Variants in LRRC8D observed in about 807,000 individuals in gnomAD.
LRRC8D encodes leucine rich repeat containing 8 VRAC subunit D.
Under a neutral mutation model 55.8 loss-of-function variants are expected in LRRC8D, and 20 were observed. The observed-to-expected ratio is 0.36, with a 90% CI of 0.25 to 0.52. The LOEUF (loss-of-function observed/expected upper bound fraction) is 0.52. Ranked by LOEUF, LRRC8D falls within the 20% of genes least tolerant of loss-of-function variation. The pLI is 0.93. For synonymous variants in LRRC8D, 352 were observed against 377.0 expected (o/e 0.93, Z 0.77); for missense variants, 651 against 1,030.8 (o/e 0.63, Z 5.05).
chr1:89,858,214 A>G (rs980467905), intron 2 of LRRC8D, among the ~76,000 whole-genome samples: 5 of 152,230 alleles, frequency 3.3e-5, no homozygotes, highest in Non-Finnish European at 7.3e-5. Context: ...CTGAGCGACA[A>G]GAGTGAAACT....
chr1:89,879,851 A>C (rs1662236828), intron 2 of LRRC8D, among the ~76,000 whole-genome samples: 1 of 152,160 alleles, frequency 6.6e-6, no homozygotes, highest in South Asian at 2.1e-4. Flanking sequence ...CTGCTTTTGC[A>C]TTCTAATTGG....
intron 2 of LRRC8D, among the ~76,000 whole-genome samples, chr1:89,906,680 C>T (rs1663001946): frequency 6.6e-6 from 1 of 152,264 alleles, no homozygotes; most frequent in African/African-American, 2.4e-5. Flanking sequence ...TGTGTTGTGC[C>T]AAGTTGTGTT....
intron 2 of LRRC8D, among the ~76,000 whole-genome samples, chr1:89,919,946 G>A (rs909787590): frequency 3.9e-5 from 6 of 152,138 alleles, no homozygotes; most frequent in Non-Finnish European, 8.8e-5. Flanking sequence ...AATTCTGCTG[G>A]CCTGAGTTCA....
intron 2 of LRRC8D, among the ~76,000 whole-genome samples, chr1:89,858,156 G>A (rs1185828728): frequency 6.6e-6 from 1 of 152,244 alleles, no homozygotes; most frequent in Non-Finnish European, 1.5e-5. Flanking sequence ...TTGGACCTGG[G>A]AGGCAGAGAT....
intron 2 of LRRC8D, among the ~76,000 whole-genome samples, chr1:89,853,457 C>G (rs1661473463): frequency 1.3e-5 from 2 of 152,130 alleles, no homozygotes; most frequent in South Asian, 4.2e-4. Flanking sequence ...CAGGGATGGC[C>G]AAAGGATCAA....
chr1:89,875,649 T>C (rs1442829831), intron 2 of LRRC8D, among the ~76,000 whole-genome samples: 1 of 152,218 alleles, frequency 6.6e-6, no homozygotes, highest in Non-Finnish European at 1.5e-5. Context: ...TTTATTTCTA[T>C]ATGTTGTCAT....
intron 2 of LRRC8D, among the ~76,000 whole-genome samples, chr1:89,868,760 G>A (rs1422231724): frequency 6.6e-6 from 1 of 152,158 alleles, no homozygotes. Flanking sequence ...AGAGGCTACC[G>A]GAGGATTCTA....
At chr1:89,907,183 CTTTTTTTTTTTTTT>C (rs71584958) in intron 2 of LRRC8D, among the ~76,000 whole-genome samples, 2 of 69,774 alleles carry the variant, frequency 2.9e-5, no homozygotes, top group South Asian at 6.9e-4. Context: ...TCCACTGTGT[CTTTTTTTTTTTTTT>C]TTTTTTTTTT....
Position 89,901,629 on chromosome 1 carries a change from G to C in LRRC8D, c.-2-31438G>C, listed in dbSNP as rs370453530. Among the ~76,000 whole-genome samples, 80 of 152,308 alleles carry C rather than the reference G, an allele frequency of 5.3e-4. 1 individual carries two copies. In the East Asian group the frequency reaches 6.9e-3, roughly 13 times the overall value. On this transcript the variant is annotated intron_variant, in intron 2 of 2. Transcript: ENST00000337338. ...GGGAATCCTTTGGTGCCCAAGCAGG[G>C]TTAGATTACCAGATACGCAGACTAA...
intron 2 of LRRC8D, among the ~76,000 whole-genome samples, chr1:89,863,739 A>G (rs144317365): frequency 2.4e-4 from 37 of 152,344 alleles, no homozygotes; most frequent in Non-Finnish European, 4.9e-4. Context: ...TCTTTCATGT[A>G]TCATGCATTC....
intron 2 of LRRC8D, among the ~76,000 whole-genome samples, chr1:89,919,335 C>T (rs150506831): frequency 6.6e-6 from 1 of 152,170 alleles, no homozygotes; most frequent in Non-Finnish European, 1.5e-5. Context: ...AGGCTCCCAG[C>T]TGTCTGTCAC....
chr1:89,885,920 T>G (rs1430700320), intron 2 of LRRC8D, among the ~76,000 whole-genome samples: 3 of 152,224 alleles, frequency 2.0e-5, no homozygotes, highest in African/African-American at 7.2e-5. Flanking sequence ...TAACCTGATG[T>G]GTCTTGGACC....
chr1:89,915,266 T>A (rs891332427), intron 2 of LRRC8D, among the ~76,000 whole-genome samples: 5 of 152,192 alleles, frequency 3.3e-5, no homozygotes, highest in African/African-American at 1.2e-4. Context: ...CTCAGTCTTA[T>A]ATATTTCTTA....
intron 2 of LRRC8D, among the ~76,000 whole-genome samples, chr1:89,897,551 T>G (rs1320484265): frequency 6.6e-6 from 1 of 152,212 alleles, no homozygotes; most frequent in Non-Finnish European, 1.5e-5. Context: ...TTGCACAATC[T>G]TAATCCCATT....
chr1:89,862,756 T>G (rs1661753886), intron 2 of LRRC8D, among the ~76,000 whole-genome samples: 1 of 152,176 alleles, frequency 6.6e-6, no homozygotes, highest in Non-Finnish European at 1.5e-5. Flanking sequence ...TGCTGTCTTT[T>G]TTTTACATTT....
At chr1:89,890,451 T>G (rs1662547310) in intron 2 of LRRC8D, among the ~76,000 whole-genome samples, 1 of 152,198 alleles carries the variant, frequency 6.6e-6, no homozygotes, top group Non-Finnish European at 1.5e-5. Context: ...GCTATATCAT[T>G]CATTCAGTCT....
At position 89,936,022 on chromosome 1, in the gene LRRC8D, T is replaced by A. The variant is rs1293783291; in HGVS notation, c.*377T>A. The stretch of plus-strand genomic sequence containing the variant: ...CTATATCACCTTTTTTGAGGGGTCT[T>A]AATTTACTTTGCTTAATTGGTGCAA... On this transcript the variant is annotated 3_prime_UTR_variant, in exon 3 of 3. Coordinates refer to ENST00000337338, the MANE Select transcript of LRRC8D (RefSeq NM_001134479.2). The A allele has an allele frequency of 5.3e-6, 1 of 187,338 alleles. No homozygotes were observed. Among genetic ancestry groups the A allele is most frequent in the Non-Finnish European group, 1.2e-5 (1 of 80,950 alleles). The allele number at this position is 187,338 out of a possible 1,614,324, so 11.6% of individuals were successfully genotyped here.
rs1181859656 is a variant in LRRC8D, at chr1:89,860,756, C to CAA, written c.-3+17003_-3+17004dup. On this transcript the variant is annotated intron_variant, in intron 2 of 2. Coordinates refer to ENST00000337338, the MANE Select transcript of LRRC8D (RefSeq NM_001134479.2). Reference sequence around the variant, plus strand: ...CTGGCAACAGAGCAAGACTCTATCTCAAAAAAAAAAAAAAAAAAAAAAAAA... The same window carrying CAA: ...CTGGCAACAGAGCAAGACTCTATCTCAAAAAAAAAAAAAAAAAAAAAAAAAAA... Among the ~76,000 whole-genome samples the CAA allele has an allele frequency of 4.0e-3, 75 of 18,838 alleles. 12 individuals carry two copies. Among genetic ancestry groups the CAA allele is most frequent in the African/African-American group, 0.014 (60 of 4,298 alleles). The allele number at this position is 18,838 out of a possible 152,430, so 12.4% of individuals were successfully genotyped here.
intron 2 of LRRC8D, among the ~76,000 whole-genome samples, chr1:89,880,178 G>A (rs1388404715): frequency 1.3e-5 from 2 of 150,862 alleles, no homozygotes; most frequent in African/African-American, 4.9e-5. Context: ...TGTGTAAGCA[G>A]GGAATGTTGA....
Sources: allele counts gnomAD v4.1 joint callset (sites outside exome capture counted in the v4.1 genomes callset), GRCh38; gene constraint gnomAD v4.1.1; transcripts MANE v1.5; gene names NCBI Gene and HGNC (gene_info 2026-07-23, HGNC 2026-07-21).